Variants in TSPEAR observed in about 807,000 individuals in gnomAD.
TSPEAR encodes thrombospondin type laminin G domain and EAR repeats.
A neutral mutation model predicts 71.6 loss-of-function variants in TSPEAR; 69 were observed. That is an observed-to-expected ratio of 0.96 (90% CI 0.79 to 1.18). The LOEUF (loss-of-function observed/expected upper bound fraction) is 1.18, where lower values mean the gene tolerates loss of function less well. Ranked by LOEUF, TSPEAR falls within the 50% of genes most tolerant of loss-of-function variation. The probability of loss-of-function intolerance (pLI) is 0.00; values close to 1 mark genes in which losing one functional copy is unlikely to be tolerated. For missense variants in TSPEAR, 971 were observed against 894.9 expected (o/e 1.09, Z -1.09); for synonymous variants, 402 against 387.2 (o/e 1.04, Z -0.45).
chr21:44,682,816 C>A (rs1986670415), intron 1 of TSPEAR, among the ~76,000 whole-genome samples: 1 of 152,184 alleles, frequency 6.6e-6, no homozygotes, highest in African/African-American at 2.4e-5. Context: ...CCCAACTCTG[C>A]CGAGGAGGAA....
At chr21:44,699,675 T>C (rs1298140770) in intron 1 of TSPEAR, among the ~76,000 whole-genome samples, 2 of 152,144 alleles carry the variant, frequency 1.3e-5, no homozygotes, top group Non-Finnish European at 2.9e-5. Flanking sequence ...GATGCGTCTG[T>C]CTCAGCTCCT....
intron 2 of TSPEAR, among the ~76,000 whole-genome samples, chr21:44,541,260 T>A (rs1050530710): frequency 1.3e-5 from 2 of 152,242 alleles, no homozygotes; most frequent in African/African-American, 4.8e-5. Context: ...TGGGCTGAAA[T>A]AATAAACTTT....
chr21:44,690,534 T>C (rs1300411276), intron 1 of TSPEAR: 1 of 985,210 alleles, frequency 1.0e-6, no homozygotes, highest in South Asian at 4.7e-5. Context: ...CACTGAAGGC[T>C]ACAGACTCAC....
rs376172528 is a variant in TSPEAR, at chr21:44,527,278, G to A, written c.1149+14C>T. 5.6e-6 allele frequency: 9 copies of A among 1,613,814 alleles called. No individual in the cohort carries two copies. Among genetic ancestry groups the A allele is most frequent in the South Asian group, 3.3e-5 (3 of 91,052 alleles). The stretch of plus-strand genomic sequence containing the variant: ...GAGAAAGGGGATGGAGAAAGTCACC[G>A]AACACAGACTTGCCTTTTTCCCGAT... On this transcript the variant is annotated intron_variant, in intron 7 of 11. Coordinates refer to ENST00000323084, the MANE Select transcript of TSPEAR (RefSeq NM_144991.3).
intron 1 of TSPEAR, among the ~76,000 whole-genome samples, chr21:44,675,118 G>A (rs1282550904): frequency 2.6e-5 from 4 of 151,916 alleles, no homozygotes; most frequent in Non-Finnish European, 5.9e-5. Flanking sequence ...CAAAAATACA[G>A]TAAAAAAAGA....
rs587739977 is a variant in TSPEAR at position 44,648,631 on chromosome 21, G to A, written c.82+62802C>T. Among the ~76,000 whole-genome samples the A allele has an allele frequency of 8.5e-5, 13 of 152,280 alleles. No individual in the cohort carries two copies. The South Asian group carries it at 1.9e-3, about 22-fold the overall frequency. ...GGGGAGCCTAAGGCACAGGGGAGTC[G>A]GCACAGGGCGCACCAACATTGCTGA... On this transcript the variant is annotated intron_variant, in intron 1 of 11. Coordinates refer to ENST00000323084, the MANE Select transcript of TSPEAR (RefSeq NM_144991.3).
At chr21:44,604,861 C>A (rs891436123) in intron 1 of TSPEAR, among the ~76,000 whole-genome samples, 16 of 152,180 alleles carry the variant, frequency 1.1e-4, no homozygotes, top group Non-Finnish European at 1.2e-4. Context: ...TTTTTTGTCT[C>A]TAATGTTAGT....
chr21:44,557,899 G>T, intron 2 of TSPEAR: 1 of 921,220 alleles, frequency 1.1e-6, no homozygotes. Flanking sequence ...AGAGATGCAT[G>T]CCTGGAGGGA....
intron 1 of TSPEAR, chr21:44,627,245 G>A: frequency 6.2e-7 from 1 of 1,612,734 alleles, no homozygotes; most frequent in Middle Eastern, 2.0e-4. Context: ...TGCCCAGAGA[G>A]CTGCTGTGAG....
intron 1 of TSPEAR, among the ~76,000 whole-genome samples, chr21:44,699,792 C>T (rs528830669): frequency 1.3e-5 from 2 of 152,342 alleles, no homozygotes; most frequent in East Asian, 3.9e-4. Flanking sequence ...TTACGGCGGC[C>T]TCCAGGTGTG....
At chr21:44,613,168 C>T (rs1406974814) in intron 1 of TSPEAR, among the ~76,000 whole-genome samples, 4 of 152,206 alleles carry the variant, frequency 2.6e-5, no homozygotes, top group Admixed American at 1.3e-4. Context: ...TCAGCACCTC[C>T]TCCTACTCCC....
intron 1 of TSPEAR, among the ~76,000 whole-genome samples, chr21:44,694,255 T>C (rs1175243885): frequency 6.6e-6 from 1 of 152,252 alleles, no homozygotes; most frequent in Non-Finnish European, 1.5e-5. Flanking sequence ...TCCTGACACA[T>C]ATTGCAACAC....
At chr21:44,586,719 G>C (rs1280098828) in intron 1 of TSPEAR, among the ~76,000 whole-genome samples, 2 of 152,160 alleles carry the variant, frequency 1.3e-5, no homozygotes, top group African/African-American at 2.4e-5. Flanking sequence ...AATCCCACCA[G>C]GTTTCGTACC....
chr21:44,693,583 T>TCCATTTC, intron 1 of TSPEAR, among the ~76,000 whole-genome samples: 1 of 152,192 alleles, frequency 6.6e-6, no homozygotes, highest in East Asian at 1.9e-4. Flanking sequence ...ACAGTATTAC[T>TCCATTTC]CATTAGGAAA....
chr21:44,688,355 T>C (rs1302055880), intron 1 of TSPEAR, among the ~76,000 whole-genome samples: 1 of 151,992 alleles, frequency 6.6e-6, no homozygotes, highest in East Asian at 1.9e-4. Flanking sequence ...ACCATTCCCA[T>C]CTCCACCTTC....
At chr21:44,523,248 A>G (rs587653457) in intron 8 of TSPEAR, among the ~76,000 whole-genome samples, 4 of 151,614 alleles carry the variant, frequency 2.6e-5, no homozygotes, top group African/African-American at 7.3e-5. Context: ...GTAGTTGGTC[A>G]GTCAGTCAGT....
At chr21:44,522,150 A>T (rs782052734) in intron 8 of TSPEAR, 38 bp from the exon 9 acceptor site, 16 of 1,589,230 alleles carry the variant, frequency 1.0e-5, no homozygotes, top group Non-Finnish European at 1.3e-5. Context: ...AGGGAGGCAG[A>T]TTCCACAGCC....
chr21:44,515,286 G>C (rs2052529465), intron 9 of TSPEAR, among the ~76,000 whole-genome samples: 2 of 152,270 alleles, frequency 1.3e-5, no homozygotes, highest in African/African-American at 2.4e-5. Flanking sequence ...GCTCAGGCCA[G>C]GTGGAGAGGA....
chr21:44,514,026 A>G (rs1056451905), intron 9 of TSPEAR, among the ~76,000 whole-genome samples: 6 of 152,158 alleles, frequency 3.9e-5, no homozygotes, highest in Non-Finnish European at 7.4e-5. Context: ...AGAACCCGCA[A>G]GCCTGGCACC....
Sources: allele counts gnomAD v4.1 joint callset (sites outside exome capture counted in the v4.1 genomes callset), GRCh38; gene constraint gnomAD v4.1.1; transcripts MANE v1.5; gene names NCBI Gene and HGNC (gene_info 2026-07-23, HGNC 2026-07-21).